The following KIAA1549 variants were observed in gnomAD, a reference collection of about 807,000 sequenced individuals.
KIAA1549 encodes KIAA1549.
A neutral mutation model predicts 156.4 loss-of-function variants in KIAA1549; 70 were observed. The ratio of observed to expected loss-of-function variants is 0.45; its 90% CI spans 0.37 to 0.55. The LOEUF (loss-of-function observed/expected upper bound fraction) is 0.55, where lower values mean the gene tolerates loss of function less well. Among genes scored for constraint, KIAA1549 ranks in the 20% least tolerant of loss-of-function variants. The pLI is 0.00. For missense variants in KIAA1549, 2,428 were observed against 2,540.9 expected (o/e 0.96, Z 0.96); for synonymous variants, 1,103 against 1,066.4 (o/e 1.03, Z -0.67).
In KIAA1549 at chr7:138,894,516, C is replaced by A. The variant is rs1332853552; in HGVS notation, c.3858G>T (p.Arg1286Ser). 1 of 1,613,938 alleles carries A rather than the reference C, an allele frequency of 6.2e-7. No individual in the cohort carries two copies. Residue 1286 changes from arginine (R) to serine (S), a missense_variant, in exon 10 of 20, where the codon AGG (arginine) becomes AGT (serine). By Grantham distance (110) the Arg-to-Ser change is moderately radical. Transcript: ENST00000422774. ...IQGVIAQPVDRVKRPSPESQS... is the reference protein window; with the variant it reads ...IQGVIAQPVDSVKRPSPESQS... ...GGGATTCCGGAGACGGCCTCTTCAC[C>A]CTGTCGACAGCTGCAGACAAGGAAG...
intron 5 of KIAA1549, 76 bp downstream of exon 5, chr7:138,908,915 C>G: frequency 1.3e-6 from 2 of 1,553,218 alleles, no homozygotes; most frequent in Admixed American, 1.7e-5. Context: ...AAGAGTTAAG[C>G]ACATCTTAAA....
At chr7:138,893,449 A>G (rs1027434278) in intron 10 of KIAA1549, among the ~76,000 whole-genome samples, 5 of 152,204 alleles carry the variant, frequency 3.3e-5, no homozygotes, top group African/African-American at 9.7e-5. Context: ...AAGAAACCCA[A>G]ACTGGAACCT....
chr7:138,917,777 T>C lies in KIAA1549; in HGVS notation c.1849A>G (p.Arg617Gly), dbSNP rs2774962. Reference sequence around the variant, plus strand: ...CTGGATGCAAAATCCAAAGCACCTCTGGGTTTATGCTCAGAAAAACTGGAA... The same window carrying C: ...CTGGATGCAAAATCCAAAGCACCTCCGGGTTTATGCTCAGAAAAACTGGAA... ...ERSSFSEHKP[R>G]GALDFASSFF... Residue 617 changes from arginine to glycine, a missense_variant, in exon 2 of 20, where the codon AGA becomes GGA. This residue lies in a region of KIAA1549 where 893 missense variants were observed against 847.9 expected (regional missense o/e 1.05). Transcript: ENST00000422774. The C allele has an allele frequency of 0.41, 642,018 of 1,578,080 alleles. 140,853 individuals are homozygous for C. The highest frequency in any genetic ancestry group is 0.87 in the African/African-American group (64,548 of 73,962).
chr7:138,844,571 T>C (rs1810020340), intron 17 of KIAA1549, 97 bp from the exon 18 acceptor site: 9 of 1,130,622 alleles, frequency 8.0e-6, no homozygotes, highest in South Asian at 2.1e-5. Flanking sequence ...GTAACACTTA[T>C]TTGTCTACCT....
chr7:138,922,256 C>T (rs1300204991), intron 1 of KIAA1549, among the ~76,000 whole-genome samples: 1 of 152,174 alleles, frequency 6.6e-6, no homozygotes, highest in Non-Finnish European at 1.5e-5. Context: ...TTAAAGTGGA[C>T]CAGGTCTCCA....
In KIAA1549 at chr7:138,917,925, G is replaced by T. The variant is rs779927503; in HGVS notation, c.1701C>A (p.Asp567Glu). The change falls in exon 2 of 20, where the codon GAC (aspartate) becomes GAA (glutamate). Residue 567 changes from aspartate to glutamate, a missense_variant. Asp to Glu is a conservative substitution (Grantham distance 45). This residue lies in a region of KIAA1549 where 893 missense variants were observed against 847.9 expected (regional missense o/e 1.05). Transcript: ENST00000422774. ...TGTTTGCTATGACAGAGAAAGATGA[G>T]TCAAGGAGAATGCTGGTGATGACCG... ...FFSVITSILL[D>E]SSFSVIANKN... The T allele has an allele frequency of 6.3e-7, 1 of 1,598,020 alleles. No individual in the cohort carries two copies. Among genetic ancestry groups the T allele is most frequent in the African/African-American group, 1.3e-5 (1 of 74,632 alleles).
At chr7:138,956,615 G>A (rs1165725035) in intron 1 of KIAA1549, among the ~76,000 whole-genome samples, 5 of 152,152 alleles carry the variant, frequency 3.3e-5, no homozygotes, top group Non-Finnish European at 5.9e-5. Context: ...CTGCCACCAT[G>A]TAAGACGTGC....
At chr7:138,966,075 C>T (rs1563096783) in intron 1 of KIAA1549, among the ~76,000 whole-genome samples, 1 of 152,164 alleles carries the variant, frequency 6.6e-6, no homozygotes. Flanking sequence ...TGCCCCCTTG[C>T]CTCTTTCAAA....
Position 138,918,165 on chromosome 7 carries a change from G to C in KIAA1549, c.1461C>G (p.Ser487=). The C allele has an allele frequency of 1.2e-6, 2 of 1,613,936 alleles. No homozygotes were observed. The highest frequency in any genetic ancestry group is 1.7e-6 in the Non-Finnish European group (2 of 1,179,822). Residue 487 remains serine (S), a synonymous_variant, in exon 2 of 20, where the codon TCC becomes TCG. Coordinates refer to ENST00000422774, the MANE Select transcript of KIAA1549 (RefSeq NM_001164665.2). The surrounding 1 kb of genome is among the most constrained non-coding windows in gnomAD (Gnocchi z 4.2). The part of the protein sequence containing the change: ...DPQVFNTLFP[S]RPIVPLSSRS... ...TAGAAGAAAGTGGGACGATAGGTCT[G>C]GAGGGGAAAAGCGTATTAAATACTT...
intron 1 of KIAA1549, among the ~76,000 whole-genome samples, chr7:138,955,831 C>CT (rs1301914843): frequency 2.6e-5 from 4 of 152,098 alleles, no homozygotes; most frequent in Admixed American, 1.3e-4. Context: ...CAGAGACAAA[C>CT]TTTTTTTATC....
intron 1 of KIAA1549, among the ~76,000 whole-genome samples, chr7:138,923,971 A>T (rs917862604): frequency 1.6e-4 from 24 of 152,240 alleles, no homozygotes; most frequent in Non-Finnish European, 2.8e-4. Context: ...ATGAATTTTT[A>T]AAATGAATAA....
intron 17 of KIAA1549, among the ~76,000 whole-genome samples, chr7:138,851,573 G>T (rs925295194): frequency 1.3e-5 from 2 of 151,678 alleles, no homozygotes; most frequent in African/African-American, 4.8e-5. Context: ...TGGGTGTGGG[G>T]GTGTGTGTGG....
At chr7:138,876,618 T>C (rs757605568) in intron 12 of KIAA1549, among the ~76,000 whole-genome samples, 3 of 152,234 alleles carry the variant, frequency 2.0e-5, no homozygotes, top group African/African-American at 4.8e-5. Flanking sequence ...AAAAGAATGC[T>C]GAGTATTTTG....
At chr7:138,901,535 A>C (rs1811842272) in intron 8 of KIAA1549, among the ~76,000 whole-genome samples, 1 of 152,120 alleles carries the variant, frequency 6.6e-6, no homozygotes, top group Non-Finnish European at 1.5e-5. Context: ...CATGTTGGCC[A>C]GGCTGGTCTT....
intron 1 of KIAA1549, among the ~76,000 whole-genome samples, chr7:138,955,459 CA>C (rs1163310430): frequency 6.6e-6 from 1 of 151,836 alleles, no homozygotes; most frequent in Non-Finnish European, 1.5e-5. Flanking sequence ...GGGTGGATGC[CA>C]GGGGATAGGG....
intron 19 of KIAA1549, 33 bp downstream of exon 19, chr7:138,840,100 T>C: frequency 6.5e-7 from 1 of 1,536,578 alleles, no homozygotes; most frequent in Non-Finnish European, 8.8e-7. Context: ...TATGTCTAAA[T>C]TTTAAATGAT....
At position 138,916,984 on chromosome 7, in the gene KIAA1549, G is replaced by T. The variant is rs138709216; in HGVS notation, c.2642C>A (p.Thr881Lys). The change falls in exon 2 of 20, where the codon ACG becomes AAG. Residue 881 changes from threonine (T) to lysine (K), a missense_variant. Transcript: ENST00000422774. The part of the protein sequence containing the change: ...TPTEVPLNTS[T>K]EVSTTSTGAA... ...ACCGGTGCTGGTTGTGCTCACTTCCGTGGAGGTGTTCAGTGGCACCTCTGT... is the reference window on the plus strand; with the variant it reads ...ACCGGTGCTGGTTGTGCTCACTTCCTTGGAGGTGTTCAGTGGCACCTCTGT... 1 of 1,600,044 alleles carries T rather than the reference G, an allele frequency of 6.2e-7. No individual in the cohort carries two copies.
At position 138,835,865 on chromosome 7, in the gene KIAA1549, C is replaced by G; in HGVS notation, c.*2041G>C. 1 of 220,910 alleles carries G rather than the reference C, an allele frequency of 4.5e-6. No individual in the cohort carries two copies. The highest frequency in any genetic ancestry group is 9.1e-6 in the Non-Finnish European group (1 of 110,328). 13.7% of individuals were successfully genotyped at this position (220,910 alleles called of 1,614,324 possible). A position where few individuals can be genotyped will look rare whatever the true frequency, so the allele number is the denominator to read the frequency against. On this transcript the variant is annotated 3_prime_UTR_variant, in exon 20 of 20. Transcript: ENST00000422774. ...GATCGCCTGATAAGATGCTGCTGGTCCTTTGTTGAACGTCCTTGAGAGACT... is the reference window on the plus strand; with the variant it reads ...GATCGCCTGATAAGATGCTGCTGGTGCTTTGTTGAACGTCCTTGAGAGACT...
At position 138,850,468 on chromosome 7, in the gene KIAA1549, T is replaced by C. The variant is rs150806183; in HGVS notation, c.5294+1755A>G. On this transcript the variant is annotated intron_variant, in intron 17 of 19. Transcript: ENST00000422774. ...TCAGTGATATTGAGCTTTTTTCATA[T>C]GCTCATTGGCTGCATGTAAGTCTCC... Among the ~76,000 whole-genome samples, 376 of 152,322 alleles carry C rather than the reference T, an allele frequency of 2.5e-3. 2 individuals are homozygous for C. The highest frequency in any genetic ancestry group is 8.7e-3 in the African/African-American group (362 of 41,576).
Sources: allele counts gnomAD v4.1 joint callset (sites outside exome capture counted in the v4.1 genomes callset), GRCh38; gene constraint gnomAD v4.1.1; regional missense constraint gnomAD v4.1.1; non-coding constraint Gnocchi (gnomAD v3.1); transcripts MANE v1.5; gene names NCBI Gene and HGNC (gene_info 2026-07-23, HGNC 2026-07-21).